CYSTM1: variants seen among roughly 807,000 people sequenced by gnomAD.
CYSTM1 encodes the protein cysteine-rich transmembrane module-containing protein 1.
A neutral mutation model predicts 13.1 loss-of-function variants in CYSTM1; 4 were observed. The ratio of observed to expected loss-of-function variants is 0.31; its 90% CI spans 0.15 to 0.70. CYSTM1 has a LOEUF of 0.70. CYSTM1 is among the 30% of genes least tolerant of loss of function. The pLI, the probability that CYSTM1 is intolerant of heterozygous loss-of-function variation, is 0.72. For missense variants in CYSTM1, 96 were observed against 121.6 expected (o/e 0.79, Z 0.99); for synonymous variants, 36 against 42.7 (o/e 0.84, Z 0.62).
At chr5:140,206,605 CTGT>C (rs1181201832) in intron 2 of CYSTM1, among the ~76,000 whole-genome samples, 2 of 128,212 alleles carry the variant, frequency 1.6e-5, no homozygotes, top group African/African-American at 3.0e-5. Flanking sequence ...GTGCTGAGCA[CTGT>C]TGTTTGTTTG....
chr5:140,177,935 G>A (rs1036363803), intron 1 of CYSTM1, among the ~76,000 whole-genome samples: 2 of 152,192 alleles, frequency 1.3e-5, no homozygotes, highest in African/African-American at 4.8e-5. Flanking sequence ...ATAACTATGT[G>A]CTGTCAGGGC....
rs375672181 is a variant in CYSTM1, at chr5:140,175,468, C to G, written c.-21+183C>G. On this transcript the variant is annotated intron_variant, in intron 1 of 2. Coordinates refer to ENST00000261811, the MANE Select transcript of CYSTM1 (RefSeq NM_032412.4). This position sits in a 1 kb window ranked among gnomAD's most constrained non-coding sequence, Gnocchi z 4.9. ...GGCAGGGAGGCAGGGAAGCTGCTGC[C>G]GCCAGCTGGATCCCTCCCGGCGCCC... 3.3e-5 allele frequency among the ~76,000 whole-genome samples: 5 copies of G among 151,586 alleles called. No homozygotes were observed. Among genetic ancestry groups the G allele is most frequent in the African/African-American group, 1.2e-4 (5 of 41,312 alleles).
At chr5:140,225,075 G>T (rs775486830) in intron 2 of CYSTM1, among the ~76,000 whole-genome samples, 16 of 152,158 alleles carry the variant, frequency 1.1e-4, no homozygotes, top group Admixed American at 3.3e-4. Flanking sequence ...CTAGCTACTT[G>T]GGAAGCAGAG....
intron 2 of CYSTM1, among the ~76,000 whole-genome samples, chr5:140,207,473 A>G (rs1367767053): frequency 6.6e-6 from 1 of 152,204 alleles, no homozygotes; most frequent in Non-Finnish European, 1.5e-5. Flanking sequence ...TTCCTGTGAT[A>G]GGTCAAAGGT....
At chr5:140,198,766 T>C (rs551797591) in intron 2 of CYSTM1, among the ~76,000 whole-genome samples, 17 of 152,340 alleles carry the variant, frequency 1.1e-4, no homozygotes, top group African/African-American at 3.4e-4. Context: ...TGGTTTTCAG[T>C]ATATCAACAG....
At chr5:140,242,106 A>C (rs1764756702) in intron 2 of CYSTM1, among the ~76,000 whole-genome samples, 1 of 152,214 alleles carries the variant, frequency 6.6e-6, no homozygotes, top group African/African-American at 2.4e-5. Flanking sequence ...TAAATGAGCC[A>C]TTCATCCTCT....
chr5:140,177,296 ATT>A (rs1235820590), intron 1 of CYSTM1, among the ~76,000 whole-genome samples: 1 of 151,226 alleles, frequency 6.6e-6, no homozygotes, highest in African/African-American at 2.4e-5. Context: ...TATTTTATTT[ATT>A]TGTTTATTTT....
chr5:140,239,581 G>C lies in CYSTM1; in HGVS notation c.188-3724G>C, dbSNP rs946149987. Among the ~76,000 whole-genome samples the C allele has an allele frequency of 2.6e-5, 4 of 152,222 alleles. No homozygotes were observed. The highest frequency in any genetic ancestry group is 4.4e-5 in the Non-Finnish European group (3 of 68,036). ...AGGTGCCCCTGCCAGAAACTGCTCA[G>C]CTCTTCCCAAAGCTGCTGCGCACCT... On this transcript the variant is annotated intron_variant, in intron 2 of 2. Transcript: ENST00000261811. The surrounding 1 kb of genome is among the most constrained non-coding windows in gnomAD (Gnocchi z 5.4).
In CYSTM1 at chr5:140,206,155, C is replaced by T. The variant is rs140308874; in HGVS notation, c.187+11503C>T. Among the ~76,000 whole-genome samples, 254 of 152,270 alleles carry T rather than the reference C, an allele frequency of 1.7e-3. 2 individuals carry two copies. The highest frequency in any genetic ancestry group is 5.9e-3 in the African/African-American group (246 of 41,564). On this transcript the variant is annotated intron_variant, in intron 2 of 2. Transcript: ENST00000261811. Reference sequence around the variant, plus strand: ...CTTGCCATGCCTTTCCCTCAGACATCCACAGCTTACAGTCTCACTTTCTTT... The same window carrying T: ...CTTGCCATGCCTTTCCCTCAGACATTCACAGCTTACAGTCTCACTTTCTTT...
At chr5:140,212,983 GTATATATATA>G (rs150669111) in intron 2 of CYSTM1, among the ~76,000 whole-genome samples, 3 of 114,292 alleles carry the variant, frequency 2.6e-5, no homozygotes, top group African/African-American at 9.3e-5. Context: ...CAAAACAAAA[GTATATATATA>G]TATATATATA....
intron 2 of CYSTM1, among the ~76,000 whole-genome samples, chr5:140,229,812 C>T (rs1193448935): frequency 1.3e-5 from 2 of 152,180 alleles, no homozygotes; most frequent in East Asian, 1.9e-4. Context: ...ATTCTCCTGC[C>T]TCAGCCTCCC....
intron 1 of CYSTM1, among the ~76,000 whole-genome samples, chr5:140,181,673 A>G (rs1763963615): frequency 6.6e-6 from 1 of 152,062 alleles, no homozygotes; most frequent in Non-Finnish European, 1.5e-5. Flanking sequence ...TTTCATAGAG[A>G]TGGGGGTCTC....
chr5:140,178,462 T>TTTTTC (rs1763919211), intron 1 of CYSTM1, among the ~76,000 whole-genome samples: 1 of 147,942 alleles, frequency 6.8e-6, no homozygotes, highest in Non-Finnish European at 1.5e-5. Flanking sequence ...TTTTTTTTTT[T>TTTTTC]TTTTCAGAAA....
At chr5:140,218,476 T>C (rs1332269783) in intron 2 of CYSTM1, among the ~76,000 whole-genome samples, 1 of 152,150 alleles carries the variant, frequency 6.6e-6, no homozygotes, top group Non-Finnish European at 1.5e-5. Flanking sequence ...ACTCATCAAG[T>C]TCTTGAAGAA....
At chr5:140,215,790 T>TA (rs1480288756) in intron 2 of CYSTM1, among the ~76,000 whole-genome samples, 1 of 151,584 alleles carries the variant, frequency 6.6e-6, no homozygotes, top group Non-Finnish European at 1.5e-5. Context: ...GGGTGGGAAA[T>TA]AAAAAAAATA....
chr5:140,214,935 GT>G (rs1475915539), intron 2 of CYSTM1, among the ~76,000 whole-genome samples: 4 of 152,208 alleles, frequency 2.6e-5, no homozygotes, highest in Non-Finnish European at 5.9e-5. Flanking sequence ...CTTCCCAGTA[GT>G]AATGAGCCAT....
In CYSTM1 at chr5:140,243,615, CTT is replaced by C; in HGVS notation, c.*205_*206del. ...TCTTTTTAATGTCCAAAATCCATTTCTTATTGATCTTTAAAGATGTGCTAAAT... is the reference window on the plus strand; with the variant it reads ...TCTTTTTAATGTCCAAAATCCATTTCATTGATCTTTAAAGATGTGCTAAAT... On this transcript the variant is annotated 3_prime_UTR_variant, in exon 3 of 3. Coordinates refer to ENST00000261811, the MANE Select transcript of CYSTM1 (RefSeq NM_032412.4). 2.1e-6 allele frequency: 1 copy of C among 466,332 alleles called. No homozygotes were observed. The highest frequency in any genetic ancestry group is 3.8e-6 in the Non-Finnish European group (1 of 263,970). 28.9% of individuals were successfully genotyped at this position (466,332 alleles called of 1,614,324 possible). A position where few individuals can be genotyped will look rare whatever the true frequency, so the allele number is the denominator to read the frequency against.
rs1763877602 is a variant in CYSTM1, at chr5:140,175,919, G to C, written c.-21+634G>C. ...CTGTTGGAGGAAGTGAAATCTGAGC[G>C]GGGTCCTGACGGGTGGGAACTAATC... On this transcript the variant is annotated intron_variant, in intron 1 of 2. Transcript: ENST00000261811. The surrounding 1 kb of genome is among the most constrained non-coding windows in gnomAD (Gnocchi z 4.9). Among the ~76,000 whole-genome samples, 1 of 152,202 alleles carries C rather than the reference G, an allele frequency of 6.6e-6. No individual in the cohort carries two copies. The highest frequency in any genetic ancestry group is 1.5e-5 in the Non-Finnish European group (1 of 68,018).
chr5:140,201,533 T>C (rs763999279), intron 2 of CYSTM1: 2 of 152,238 alleles, frequency 1.3e-5, no homozygotes, highest in South Asian at 4.1e-4. Flanking sequence ...CTTGAAGCTT[T>C]TGCTTACCTA....
Sources: allele counts gnomAD v4.1 joint callset (sites outside exome capture counted in the v4.1 genomes callset), GRCh38; gene constraint gnomAD v4.1.1; non-coding constraint Gnocchi (gnomAD v3.1); transcripts MANE v1.5; gene names NCBI Gene and HGNC (gene_info 2026-07-23, HGNC 2026-07-21).